PPARG: variants seen among roughly 807,000 people sequenced by gnomAD.
PPARG encodes peroxisome proliferator-activated receptor gamma.
In PPARG, 17 loss-of-function variants were observed where a neutral mutation model predicts 39.2. That is an observed-to-expected ratio of 0.43 (90% CI 0.30 to 0.65). PPARG has a LOEUF of 0.65. Among genes scored for constraint, PPARG ranks in the 30% least tolerant of loss-of-function variants. The probability of loss-of-function intolerance (pLI) is 0.13; values close to 1 mark genes in which losing one functional copy is unlikely to be tolerated. For missense variants in PPARG, 406 were observed against 585.9 expected, an observed-to-expected ratio of 0.69 and a Z score of 3.17; for synonymous variants, 223 against 215.7, an observed-to-expected ratio of 1.03 and a Z score of -0.30.
chr3:12,317,251 A>G (rs1440772405), intron 2 of PPARG, among the ~76,000 whole-genome samples: 1 of 152,212 alleles, frequency 6.6e-6, no homozygotes, highest in East Asian at 1.9e-4. Context: ...GAACGAAGAC[A>G]AATTACTTTT....
intron 7 of PPARG, among the ~76,000 whole-genome samples, chr3:12,420,335 T>C (rs995643921): frequency 6.6e-6 from 1 of 152,208 alleles, no homozygotes; most frequent in Non-Finnish European, 1.5e-5. Context: ...TCTCAATTAG[T>C]TTTTCCTCCT....
At chr3:12,303,658 A>C (rs2046986160) in intron 1 of PPARG, among the ~76,000 whole-genome samples, 1 of 152,212 alleles carries the variant, frequency 6.6e-6, no homozygotes, top group South Asian at 2.1e-4. Flanking sequence ...AATTAAAGGG[A>C]GGTCTGGTTC....
At chr3:12,310,753 G>A (rs1274950626) in intron 1 of PPARG, among the ~76,000 whole-genome samples, 2 of 73,174 alleles carry the variant, frequency 2.7e-5, no homozygotes, top group Admixed American at 1.7e-4. Context: ...GTGAGCCACC[G>A]TGCCCGGCCG....
chr3:12,365,796 T>C (rs929919278), intron 2 of PPARG, among the ~76,000 whole-genome samples: 1 of 152,204 alleles, frequency 6.6e-6, no homozygotes, highest in African/African-American at 2.4e-5. Context: ...ACTATCTTAA[T>C]TACTTTAACT....
At chr3:12,348,689 A>C (rs2048394833) in intron 2 of PPARG, among the ~76,000 whole-genome samples, 1 of 152,164 alleles carries the variant, frequency 6.6e-6, no homozygotes, top group African/African-American at 2.4e-5. Flanking sequence ...GTGCATAAGG[A>C]AAGTGGTCTT....
intron 1 of PPARG, among the ~76,000 whole-genome samples, chr3:12,295,494 T>G (rs2046755870): frequency 6.9e-6 from 1 of 145,804 alleles, no homozygotes; most frequent in Non-Finnish European, 1.5e-5. Context: ...CAGTTTGTTT[T>G]CAAGAAGGTT....
chr3:12,387,507 C>A (rs184525915), intron 4 of PPARG, among the ~76,000 whole-genome samples: 55 of 152,276 alleles, frequency 3.6e-4, no homozygotes, highest in African/African-American at 1.3e-3. Context: ...CTGTTGGCTG[C>A]ATAAATGTCT....
chr3:12,364,736 T>C (rs1448479340), intron 2 of PPARG, among the ~76,000 whole-genome samples: 2 of 152,312 alleles, frequency 1.3e-5, no homozygotes, highest in East Asian at 3.9e-4. Context: ...TTTTAGCCAT[T>C]CTATTTGTAG....
rs78013505 is a variant in PPARG at position 12,381,305 on chromosome 3, C to T, written c.221-17C>T. ...TTTTCATGGGATAATTATCCTCTCA[C>T]ATGTCTCCATACACAGGTGCAATCA... On this transcript the variant is annotated splice_polypyrimidine_tract_variant and intron_variant, in intron 3 of 7. Coordinates refer to ENST00000651735, the MANE Select transcript of PPARG (RefSeq NM_138711.6). 5 of 1,611,606 alleles carry T rather than the reference C, an allele frequency of 3.1e-6. No individual in the cohort carries two copies. The East Asian group carries it at 6.7e-5, about 22-fold the overall frequency.
intron 2 of PPARG, among the ~76,000 whole-genome samples, chr3:12,312,679 A>G (rs1029559222): frequency 9.9e-5 from 15 of 152,252 alleles, no homozygotes; most frequent in African/African-American, 3.4e-4. Flanking sequence ...AAGTTGAGAA[A>G]TAACTCAAAT....
rs527900914 is a variant in PPARG at position 12,321,682 on chromosome 3, G to T, written c.-9+9229G>T. On this transcript the variant is annotated intron_variant, in intron 2 of 7. Transcript: ENST00000651735. ...GAGAGCATTACAGACTCTGTGGTCG[G>T]CCCAGCCTACCTCTTCGATGTCATC... Among the ~76,000 whole-genome samples, 43 of 152,118 alleles carry T rather than the reference G, an allele frequency of 2.8e-4. 1 individual carries two copies. The highest frequency in any genetic ancestry group is 6.0e-4 in the African/African-American group (25 of 41,480).
At chr3:12,392,785 A>T in intron 5 of PPARG, 33 bp downstream of exon 5, 1 of 1,612,656 alleles carries the variant, frequency 6.2e-7, no homozygotes, top group Non-Finnish European at 8.5e-7. Context: ...ATACTTTATT[A>T]TTCTCATTAT....
At chr3:12,305,081 G>T (rs1467681783) in intron 1 of PPARG, among the ~76,000 whole-genome samples, 1 of 150,786 alleles carries the variant, frequency 6.6e-6, no homozygotes, top group East Asian at 1.9e-4. Flanking sequence ...TCTTGTTCTT[G>T]TTCCCTCTAC....
intron 2 of PPARG, among the ~76,000 whole-genome samples, chr3:12,349,438 A>T (rs907454791): frequency 6.6e-6 from 1 of 152,222 alleles, no homozygotes; most frequent in Non-Finnish European, 1.5e-5. Context: ...CACATTGTAT[A>T]ACTGTTTTGT....
At chr3:12,302,546 T>C (rs1178788378) in intron 1 of PPARG, among the ~76,000 whole-genome samples, 1 of 152,174 alleles carries the variant, frequency 6.6e-6, no homozygotes, top group Non-Finnish European at 1.5e-5. Flanking sequence ...AAGTTCCTGG[T>C]TTGAGGTAAC....
intron 4 of PPARG, among the ~76,000 whole-genome samples, chr3:12,389,762 T>C (rs2125204793): frequency 6.6e-6 from 1 of 151,592 alleles, no homozygotes; most frequent in South Asian, 2.1e-4. Context: ...CCAGGTATGG[T>C]GGTGCATGCC....
At chr3:12,398,326 G>A (rs1015371824) in intron 5 of PPARG, among the ~76,000 whole-genome samples, 3 of 152,178 alleles carry the variant, frequency 2.0e-5, no homozygotes, top group African/African-American at 4.8e-5. Context: ...GAATAAAAGC[G>A]CCTGAAGGGA....
chr3:12,372,111 G>A (rs1429476362), intron 2 of PPARG: 1 of 721,400 alleles, frequency 1.4e-6, no homozygotes, highest in Non-Finnish European at 2.6e-6. Context: ...AGGCTTTTCA[G>A]GCACGTACTC....
chr3:12,294,418 C>A (rs2046725727), intron 1 of PPARG, among the ~76,000 whole-genome samples: 1 of 152,142 alleles, frequency 6.6e-6, no homozygotes, highest in African/African-American at 2.4e-5. Flanking sequence ...TTCATTATAT[C>A]TTGTATTTCC....
Sources: gnomAD v4.1 joint callset for allele counts (sites outside exome capture counted in the v4.1 genomes callset) on GRCh38, gnomAD v4.1.1 for gene constraint, MANE v1.5 for transcripts, NCBI Gene and HGNC (gene_info 2026-07-23, HGNC 2026-07-21) for gene names.